Variants in LRRTM4 observed in about 807,000 individuals in gnomAD.
The protein encoded by LRRTM4 is leucine rich repeat transmembrane neuronal 4.
LRRTM4 carries 25 observed loss-of-function variants against 47.6 expected under a neutral mutation model. The observed-to-expected ratio is 0.53, with a 90% CI of 0.38 to 0.73. LRRTM4 has a LOEUF of 0.73. Ranked by LOEUF, LRRTM4 falls within the 30% of genes least tolerant of loss-of-function variation. The pLI, the probability that LRRTM4 is intolerant of heterozygous loss-of-function variation, is 0.00. For missense variants in LRRTM4, 638 were observed against 713.4 expected, an observed-to-expected ratio of 0.89 and a Z score of 1.20; for synonymous variants, 311 against 269.5, an observed-to-expected ratio of 1.15 and a Z score of -1.51.
At chr2:76,802,918 ATTCTT>A (rs1558664322) in intron 3 of LRRTM4, among the ~76,000 whole-genome samples, 1 of 152,164 alleles carries the variant, frequency 6.6e-6, no homozygotes, top group East Asian at 1.9e-4. Flanking sequence ...ATGAAATTAG[ATTCTT>A]TTCTTATACC....
intron 3 of LRRTM4, among the ~76,000 whole-genome samples, chr2:77,353,190 T>C (rs1426346128): frequency 1.3e-5 from 2 of 152,192 alleles, no homozygotes; most frequent in Non-Finnish European, 2.9e-5. Context: ...AAGATAATTT[T>C]ATTTTTTCAG....
At chr2:77,224,311 A>T (rs1036140273) in intron 3 of LRRTM4, among the ~76,000 whole-genome samples, 1 of 152,184 alleles carries the variant, frequency 6.6e-6, no homozygotes, top group Admixed American at 6.5e-5. Context: ...CAAGGACTTC[A>T]TGTCTAAAAC....
intron 3 of LRRTM4, among the ~76,000 whole-genome samples, chr2:77,419,863 G>T (rs1220768112): frequency 6.6e-6 from 1 of 152,064 alleles, no homozygotes; most frequent in African/African-American, 2.4e-5. Context: ...AAATACAAAG[G>T]AAAGGAACGA....
chr2:77,465,182 T>A (rs948838653), intron 3 of LRRTM4, among the ~76,000 whole-genome samples: 6 of 152,154 alleles, frequency 3.9e-5, no homozygotes, highest in Non-Finnish European at 8.8e-5. Flanking sequence ...AGGATTGATG[T>A]CTGGTATTCA....
rs575896292 is a variant in LRRTM4 at position 77,031,199 on chromosome 2, A to G, written c.1552-282283T>C. The stretch of plus-strand genomic sequence containing the variant: ...CATTTATTTTAACTATTGTTTGTTT[A>G]CATGCCAAATATTTGTGTTTTTAAA... On this transcript the variant is annotated intron_variant, in intron 3 of 3. Coordinates refer to ENST00000409884, the MANE Select transcript of LRRTM4 (RefSeq NM_001134745.3). 3.3e-5 allele frequency among the ~76,000 whole-genome samples: 5 copies of G among 152,304 alleles called. No individual in the cohort carries two copies. The South Asian group carries it at 1.0e-3, about 32-fold the overall frequency.
At chr2:77,447,412 C>T (rs185237480) in intron 3 of LRRTM4, among the ~76,000 whole-genome samples, 16 of 152,164 alleles carry the variant, frequency 1.1e-4, no homozygotes, top group African/African-American at 3.1e-4. Context: ...AAACTGTATC[C>T]GGCTCCAGCT....
intron 3 of LRRTM4, among the ~76,000 whole-genome samples, chr2:77,358,401 C>A (rs750489978): frequency 6.6e-6 from 1 of 152,104 alleles, no homozygotes; most frequent in Non-Finnish European, 1.5e-5. Context: ...CATCCGCAAC[C>A]AACCAAGTCT....
chr2:77,356,166 A>C (rs1671960483), intron 3 of LRRTM4, among the ~76,000 whole-genome samples: 1 of 152,180 alleles, frequency 6.6e-6, no homozygotes, highest in African/African-American at 2.4e-5. Flanking sequence ...GAGATAATAG[A>C]TTAATTGAAA....
At chr2:76,847,339 T>A (rs900211581) in intron 3 of LRRTM4, among the ~76,000 whole-genome samples, 1 of 152,164 alleles carries the variant, frequency 6.6e-6, no homozygotes, top group Non-Finnish European at 1.5e-5. Context: ...ACAATAATTA[T>A]GATTATAGTA....
chr2:77,097,059 T>TA (rs1406931925), intron 3 of LRRTM4, among the ~76,000 whole-genome samples: 1 of 151,884 alleles, frequency 6.6e-6, no homozygotes, highest in African/African-American at 2.4e-5. Context: ...GCCAGGTTAA[T>TA]ACTAATCAAT....
At chr2:77,030,571 TTA>T (rs1678618192) in intron 3 of LRRTM4, among the ~76,000 whole-genome samples, 1 of 152,130 alleles carries the variant, frequency 6.6e-6, no homozygotes. Flanking sequence ...CTTCCAGAAT[TTA>T]TAGAGGATGA....
chr2:77,398,953 G>C (rs965916893), intron 3 of LRRTM4, among the ~76,000 whole-genome samples: 1 of 151,676 alleles, frequency 6.6e-6, no homozygotes, highest in Non-Finnish European at 1.5e-5. Context: ...GTTGGTAGGG[G>C]GAAGGTAGAT....
chr2:77,289,980 G>A (rs1219584292), intron 3 of LRRTM4, among the ~76,000 whole-genome samples: 2 of 151,806 alleles, frequency 1.3e-5, no homozygotes, highest in Admixed American at 6.6e-5. Context: ...GTAGTAGTAG[G>A]AAGGATATTA....
chr2:77,384,901 GT>G (rs1673203671), intron 3 of LRRTM4, among the ~76,000 whole-genome samples: 1 of 151,984 alleles, frequency 6.6e-6, no homozygotes, highest in Non-Finnish European at 1.5e-5. Context: ...CAAATTTCAT[GT>G]TATACAAATA....
rs140000558 is a variant in LRRTM4, at chr2:76,960,083, G to A, written c.1552-211167C>T. Among the ~76,000 whole-genome samples, 1,314 of 151,304 alleles carry A rather than the reference G, an allele frequency of 8.7e-3. 27 individuals carry two copies. The highest frequency in any genetic ancestry group is 0.029 in the African/African-American group (1,212 of 41,346). ...AGGGAAGAATGGAAACCAACTCAAGGTCTCCCAGTAGGACTGCCTACACCA... is the reference window on the plus strand; with the variant it reads ...AGGGAAGAATGGAAACCAACTCAAGATCTCCCAGTAGGACTGCCTACACCA... On this transcript the variant is annotated intron_variant, in intron 3 of 3. Transcript: ENST00000409884.
chr2:77,107,998 C>T (rs1258123949), intron 3 of LRRTM4, among the ~76,000 whole-genome samples: 1 of 151,594 alleles, frequency 6.6e-6, no homozygotes, highest in Non-Finnish European at 1.5e-5. Context: ...ATGTTCATGG[C>T]TGTGGAAGTA....
chr2:76,903,207 T>G (rs1673702249), intron 3 of LRRTM4, among the ~76,000 whole-genome samples: 1 of 151,908 alleles, frequency 6.6e-6, no homozygotes, highest in South Asian at 2.1e-4. Context: ...CCGTCTCTAC[T>G]AAAACAAACA....
intron 3 of LRRTM4, among the ~76,000 whole-genome samples, chr2:77,489,662 A>G (rs951989826): frequency 6.6e-6 from 1 of 152,198 alleles, no homozygotes; most frequent in Admixed American, 6.5e-5. Context: ...GCAATTAGTA[A>G]TGTTCTCTTA....
chr2:76,833,420 A>T (rs991511881), intron 3 of LRRTM4, among the ~76,000 whole-genome samples: 12 of 152,090 alleles, frequency 7.9e-5, no homozygotes, highest in Non-Finnish European at 1.3e-4. Context: ...GCTCTAGAGA[A>T]ACTAGATATA....
Sources: gnomAD v4.1 joint callset for allele counts (sites outside exome capture counted in the v4.1 genomes callset) on GRCh38, gnomAD v4.1.1 for gene constraint, MANE v1.5 for transcripts, NCBI Gene and HGNC (gene_info 2026-07-23, HGNC 2026-07-21) for gene names.